RBFOX1: variants seen among roughly 807,000 people sequenced by gnomAD.
RBFOX1 encodes the protein RNA binding fox-1 homolog 1.
In RBFOX1, 8 loss-of-function variants were observed where a neutral mutation model predicts 57.7. The observed-to-expected ratio is 0.14, with a 90% CI of 0.08 to 0.25. The LOEUF (loss-of-function observed/expected upper bound fraction) is 0.25, where lower values mean the gene tolerates loss of function less well. RBFOX1 is among the 10% of genes least tolerant of loss of function. The pLI, the probability that RBFOX1 is intolerant of heterozygous loss-of-function variation, is 1.00. For synonymous variants in RBFOX1, 326 were observed against 222.4 expected (o/e 1.47, Z -4.15); for missense variants, 611 against 548.5 (o/e 1.11, Z -1.14).
chr16:5,524,852 T>C (rs575160050), intron 2 of RBFOX1, among the ~76,000 whole-genome samples: 2 of 152,106 alleles, frequency 1.3e-5, no homozygotes, highest in East Asian at 1.9e-4. Context: ...CTATTCATCA[T>C]TCTGATTTAA....
At chr16:6,131,982 G>A (rs1047919460) in intron 1 of RBFOX1, among the ~76,000 whole-genome samples, 5 of 152,222 alleles carry the variant, frequency 3.3e-5, no homozygotes, top group Non-Finnish European at 5.9e-5. Flanking sequence ...CCTTCGTGAT[G>A]ATTTGAGCTT....
rs146304264 is a variant in RBFOX1, at chr16:6,904,887, C to A, written c.-15-147170C>A. On this transcript the variant is annotated intron_variant, in intron 3 of 15. Coordinates refer to ENST00000550418, the MANE Select transcript of RBFOX1 (RefSeq NM_018723.4). ...TGAAGTTTCTCTCTATTACACTTTTCTACAAATTCCCCTGTTCCCAATTCC... is the reference window on the plus strand; with the variant it reads ...TGAAGTTTCTCTCTATTACACTTTTATACAAATTCCCCTGTTCCCAATTCC... Among the ~76,000 whole-genome samples the A allele has an allele frequency of 6.8e-3, 1,042 of 152,226 alleles. 14 individuals carry two copies. Among genetic ancestry groups the A allele is most frequent in the African/African-American group, 0.024 (987 of 41,518 alleles).
intron 1 of RBFOX1, among the ~76,000 whole-genome samples, chr16:5,356,174 G>A (rs752805717): frequency 3.9e-5 from 6 of 152,144 alleles, no homozygotes; most frequent in Non-Finnish European, 5.9e-5. Context: ...CTGGAGTGAC[G>A]CATCTAACAG....
chr16:5,635,379 G>A (rs1342394125), intron 3 of RBFOX1, among the ~76,000 whole-genome samples: 2 of 152,208 alleles, frequency 1.3e-5, no homozygotes, highest in Non-Finnish European at 2.9e-5. Context: ...CTAGGCAGCA[G>A]AGTAATGGCA....
At chr16:7,293,743 T>C (rs540968341) in intron 4 of RBFOX1, among the ~76,000 whole-genome samples, 1 of 152,276 alleles carries the variant, frequency 6.6e-6, no homozygotes, top group African/African-American at 2.4e-5. Flanking sequence ...ATCCCCAGTG[T>C]CACCTTGTAA....
intron 4 of RBFOX1, among the ~76,000 whole-genome samples, chr16:7,342,566 C>T (rs771104885): frequency 2.0e-5 from 3 of 152,074 alleles, no homozygotes; most frequent in Non-Finnish European, 4.4e-5. Context: ...AATCGAGATG[C>T]TCTAGGTTGG....
intron 3 of RBFOX1, among the ~76,000 whole-genome samples, chr16:6,936,598 C>G (rs1324757919): frequency 6.6e-6 from 1 of 151,994 alleles, no homozygotes; most frequent in African/African-American, 2.4e-5. Context: ...AGCCTAAGCA[C>G]TTGACATCCC....
chr16:5,560,860 T>C (rs2045865600), intron 2 of RBFOX1, among the ~76,000 whole-genome samples: 6 of 152,206 alleles, frequency 3.9e-5, no homozygotes, highest in Admixed American at 3.9e-4. Flanking sequence ...CTTGACACTC[T>C]GCCTCTGAAG....
intron 1 of RBFOX1, among the ~76,000 whole-genome samples, chr16:5,330,456 G>A (rs1188325293): frequency 6.6e-6 from 1 of 152,106 alleles, no homozygotes; most frequent in Non-Finnish European, 1.5e-5. Context: ...AGGCTGGAGT[G>A]CAATGGCATG....
At position 6,260,528 on chromosome 16, in the gene RBFOX1, A is replaced by T. The variant is rs113133645; in HGVS notation, c.-126-56467A>T. 9.2e-3 allele frequency among the ~76,000 whole-genome samples: 1,400 copies of T among 152,294 alleles called. 22 individuals carry two copies. The highest frequency in any genetic ancestry group is 0.032 in the African/African-American group (1,321 of 41,546). On this transcript the variant is annotated intron_variant, in intron 1 of 15. Transcript: ENST00000550418. ...AGCCCATAGGTTTTAATTAAAAGCC[A>T]TTGAGAAATGGCTTTTAATTAAATA...
intron 4 of RBFOX1, among the ~76,000 whole-genome samples, chr16:5,982,853 T>A (rs559073721): frequency 6.6e-6 from 1 of 152,228 alleles, no homozygotes; most frequent in Non-Finnish European, 1.5e-5. Context: ...CACTATTATA[T>A]CTGTTATGTC....
rs187892758 is a variant in RBFOX1 at position 6,619,594 on chromosome 16, C to G, written c.-63-35009C>G. Reference sequence around the variant, plus strand: ...ATTCATTCTCATGAAACCTATGCGTCTAAGGGTAGGAGACTGCCTTTTTGG... The same window carrying G: ...ATTCATTCTCATGAAACCTATGCGTGTAAGGGTAGGAGACTGCCTTTTTGG... On this transcript the variant is annotated intron_variant, in intron 2 of 15. Coordinates refer to ENST00000550418, the MANE Select transcript of RBFOX1 (RefSeq NM_018723.4). 1.1e-4 allele frequency among the ~76,000 whole-genome samples: 17 copies of G among 151,696 alleles called. No homozygotes were observed. In the East Asian group the frequency reaches 3.1e-3, roughly 28 times the overall value.
At chr16:7,157,484 G>A (rs2077393280) in intron 4 of RBFOX1, among the ~76,000 whole-genome samples, 1 of 152,094 alleles carries the variant, frequency 6.6e-6, no homozygotes. Context: ...CTGGAATTTG[G>A]CACTCTGGGA....
intron 3 of RBFOX1, among the ~76,000 whole-genome samples, chr16:6,830,750 G>C (rs146416106): frequency 0.01 from 1,526 of 152,242 alleles, 37 homozygotes; most frequent in African/African-American, 0.036. Flanking sequence ...TTTGCATTCT[G>C]GTAATTTTAG....
intron 4 of RBFOX1, among the ~76,000 whole-genome samples, chr16:7,091,511 A>T (rs9923952): frequency 6.6e-6 from 1 of 151,418 alleles, no homozygotes; most frequent in Non-Finnish European, 1.5e-5. Flanking sequence ...CCTTTTACCA[A>T]TGTAGTTCAG....
At position 5,745,711 on chromosome 16, in the gene RBFOX1, C is replaced by A. The variant is rs192692566; in HGVS notation, c.319-121592C>A. ...TGGCCAGTGATGATGAGCATTTTTT[C>A]ATGTGTCTTTTGGCTGCATAAATGT... On this transcript the variant is annotated intron_variant, in intron 3 of 19. Coordinates refer to the RBFOX1 transcript ENST00000641259. Among the ~76,000 whole-genome samples the A allele has an allele frequency of 7.6e-4, 115 of 152,204 alleles. 1 individual carries two copies. The highest frequency in any genetic ancestry group is 2.5e-3 in the African/African-American group (104 of 41,462).
chr16:7,630,284 T>C (rs2060736531), intron 10 of RBFOX1, among the ~76,000 whole-genome samples: 1 of 152,038 alleles, frequency 6.6e-6, no homozygotes, highest in African/African-American at 2.4e-5. Context: ...CCCTCCAATA[T>C]TTCTCAAGTT....
chr16:5,979,447 G>A (rs1208960379), intron 4 of RBFOX1, among the ~76,000 whole-genome samples: 3 of 152,134 alleles, frequency 2.0e-5, no homozygotes, highest in South Asian at 4.1e-4. Context: ...AGTGACTGTT[G>A]AGGGGCTTAA....
In RBFOX1 at chr16:6,134,611, G is replaced by C. The variant is rs189977479; in HGVS notation, c.-127+114619G>C. Among the ~76,000 whole-genome samples the C allele has an allele frequency of 2.9e-3, 443 of 152,128 alleles. 3 individuals carry two copies. The highest frequency in any genetic ancestry group is 9.9e-3 in the African/African-American group (410 of 41,468). ...GTATGGGCTGGGACAGGCAGTGAGG[G>C]GGTGAAGGAGACTAACCGTGAACTG... On this transcript the variant is annotated intron_variant, in intron 1 of 15. Coordinates refer to ENST00000550418, the MANE Select transcript of RBFOX1 (RefSeq NM_018723.4).
Sources: gnomAD v4.1 joint callset for allele counts (sites outside exome capture counted in the v4.1 genomes callset) on GRCh38, gnomAD v4.1.1 for gene constraint, MANE v1.5 for transcripts, NCBI Gene and HGNC (gene_info 2026-07-23, HGNC 2026-07-21) for gene names.